The following KIF5C variants were observed in gnomAD, a reference collection of about 807,000 sequenced individuals.
KIF5C encodes kinesin heavy chain isoform 5C.
In KIF5C, 18 loss-of-function variants were observed where a neutral mutation model predicts 125.2. The observed-to-expected ratio is 0.14, with a 90% CI of 0.10 to 0.21. KIF5C has a LOEUF of 0.21. Among genes scored for constraint, KIF5C ranks in the 10% least tolerant of loss-of-function variants. The pLI is 1.00. For missense variants in KIF5C, 780 were observed against 1,183.8 expected, an observed-to-expected ratio of 0.66 and a Z score of 5.01; for synonymous variants, 405 against 434.0, an observed-to-expected ratio of 0.93 and a Z score of 0.83.
chr2:148,959,038 T>C (rs1216217245), intron 10 of KIF5C, among the ~76,000 whole-genome samples: 1 of 152,176 alleles, frequency 6.6e-6, no homozygotes, highest in South Asian at 2.1e-4. Context: ...TCCTATATTT[T>C]CTGTGGAAGC....
At chr2:149,002,464 C>T (rs1681879073) in intron 21 of KIF5C, among the ~76,000 whole-genome samples, 1 of 152,232 alleles carries the variant, frequency 6.6e-6, no homozygotes, top group South Asian at 2.1e-4. Context: ...CTGCATGCTC[C>T]TCCATACACA....
chr2:148,928,096 A>T (rs1001842756), intron 2 of KIF5C, among the ~76,000 whole-genome samples: 14 of 152,174 alleles, frequency 9.2e-5, no homozygotes, highest in Non-Finnish European at 1.9e-4. Context: ...AAATTTTTTT[A>T]AAAAACATAA....
At position 148,875,734 on chromosome 2, in the gene KIF5C, G is replaced by C; in HGVS notation, c.117G>C (p.Val39=). 6.2e-7 allele frequency: 1 copy of C among 1,604,672 alleles called. No individual in the cohort carries two copies. ...CCAAATTTAAAGGCGATGAGACCGTGGTGATCGGGGTAAGTGGCTGGGGCG... is the reference window on the plus strand; with the variant it reads ...CCAAATTTAAAGGCGATGAGACCGTCGTGATCGGGGTAAGTGGCTGGGGCG... ...FIPKFKGDET[V]VIGQGKPYVF... The change falls in exon 1 of 26, where the codon GTG becomes GTC. Residue 39 remains valine, a synonymous_variant. Transcript: ENST00000435030.
At position 149,010,647 on chromosome 2, in the gene KIF5C, G is replaced by A. The variant is rs181827232; in HGVS notation, c.2767+296G>A. On this transcript the variant is annotated intron_variant, in intron 24 of 25. Coordinates refer to ENST00000435030, the MANE Select transcript of KIF5C (RefSeq NM_004522.3). ...AGGCCTAGGTCTTGGGCTATAAATG[G>A]GTACACTCTTAGAAATACTGGAATA... is the stretch of plus-strand genomic sequence containing the variant. 3.4e-3 allele frequency among the ~76,000 whole-genome samples: 523 copies of A among 152,374 alleles called. 2 individuals carry two copies. Among genetic ancestry groups the A allele is most frequent in the Non-Finnish European group, 6.0e-3 (405 of 68,044 alleles).
chr2:148,977,334 C>T (rs1349647480), intron 12 of KIF5C, among the ~76,000 whole-genome samples: 4 of 152,206 alleles, frequency 2.6e-5, no homozygotes, highest in Non-Finnish European at 5.9e-5. Flanking sequence ...AGAGTTCACT[C>T]CATTTCTCTC....
chr2:148,994,328 C>T (rs1681605563), intron 16 of KIF5C, 93 bp from the exon 17 acceptor site: 2 of 1,482,232 alleles, frequency 1.3e-6, no homozygotes, highest in South Asian at 1.4e-5. Context: ...ACTCAGGAAC[C>T]CCTCCTCTCT....
chr2:148,902,898 C>G (rs1408144484), intron 1 of KIF5C, among the ~76,000 whole-genome samples: 2 of 152,270 alleles, frequency 1.3e-5, no homozygotes, highest in African/African-American at 4.8e-5. Context: ...TAATTCTTGG[C>G]CCCTGCTGAG....
chr2:148,997,154 CT>C, intron 17 of KIF5C, 109 bp from the exon 18 acceptor site: 1 of 1,465,340 alleles, frequency 6.8e-7, no homozygotes, highest in East Asian at 2.5e-5. Flanking sequence ...CTGATATAAG[CT>C]GATGTTTCAC....
chr2:149,011,590 C>T lies in KIF5C; in HGVS notation c.2788C>T (p.His930Tyr). ...AQIAKPIRPG[H>Y]YPASSPTAVH... The stretch of plus-strand genomic sequence containing the variant: ...TACAGCCAAGCCCATCCGCCCCGGA[C>T]ACTACCCGGCCTCATCTCCAACGGC... The change falls in exon 25 of 26, where the codon CAC becomes TAC. Residue 930 changes from histidine (H) to tyrosine (Y), a missense_variant. His to Tyr is a moderately conservative substitution (Grantham distance 83). Transcript: ENST00000435030. The T allele has an allele frequency of 2.5e-6, 4 of 1,614,074 alleles. No individual in the cohort carries two copies. The highest frequency in any genetic ancestry group is 2.5e-6 in the Non-Finnish European group (3 of 1,179,906).
chr2:148,962,192 G>A, intron 11 of KIF5C, 73 bp downstream of exon 11: 1 of 1,482,784 alleles, frequency 6.7e-7, no homozygotes, highest in Non-Finnish European at 9.0e-7. Context: ...TTGAGACAGA[G>A]TCTCTCTCTG....
chr2:149,023,334 C>G lies in KIF5C; in HGVS notation c.*264C>G, dbSNP rs974059900. 1 of 152,356 alleles carries G rather than the reference C, an allele frequency of 6.6e-6. No individual in the cohort carries two copies. The highest frequency in any genetic ancestry group is 6.6e-5 in the Admixed American group (1 of 15,242). The allele number at this position is 152,356 out of a possible 1,614,324, so 9.4% of individuals were successfully genotyped here. A position where few individuals can be genotyped will look rare whatever the true frequency, so the allele number is the denominator to read the frequency against. ...GAACCATTACCACCGACTCGGCCTCCGGGGTGTTGGGTGGTTTCTGGGTGG... is the reference window on the plus strand; with the variant it reads ...GAACCATTACCACCGACTCGGCCTCGGGGGTGTTGGGTGGTTTCTGGGTGG... On this transcript the variant is annotated 3_prime_UTR_variant, in exon 26 of 26. Coordinates refer to ENST00000435030, the MANE Select transcript of KIF5C (RefSeq NM_004522.3).
chr2:148,937,471 A>G, intron 4 of KIF5C, 83 bp downstream of exon 4: 2 of 1,475,934 alleles, frequency 1.4e-6, no homozygotes, highest in Non-Finnish European at 1.8e-6. Context: ...AGAAGATATA[A>G]AAGATGATCC....
intron 1 of KIF5C, among the ~76,000 whole-genome samples, chr2:148,914,495 C>T (rs554699544): frequency 1.3e-5 from 2 of 152,326 alleles, no homozygotes; most frequent in Non-Finnish European, 1.5e-5. Context: ...GTCTGTGTGT[C>T]CACACAGTGG....
rs1681154961 is a variant in KIF5C at position 148,978,952 on chromosome 2, G to A, written c.1324G>A (p.Ala442Thr). The A allele has an allele frequency of 1.3e-6, 2 of 1,594,850 alleles. No homozygotes were observed. The highest frequency in any genetic ancestry group is 1.7e-6 in the Non-Finnish European group (2 of 1,170,600). ...TGAAATTAACCAGCAGAGCCAGCTG[G>A]CTGAAAAGCTGAAGCAACAGATGTT... ...DDEINQQSQL[A>T]EKLKQQMLDQ... Residue 442 changes from alanine to threonine, a missense_variant, in exon 13 of 26, where the codon GCT becomes ACT. Ala to Thr is a moderately conservative substitution (Grantham distance 58). Around this residue, in one of 2 missense-constraint regions of KIF5C, gnomAD observed 573 missense variants for 742.6 expected, o/e 0.77. Transcript: ENST00000435030.
chr2:148,936,320 C>A (rs555161733), intron 3 of KIF5C, among the ~76,000 whole-genome samples: 2 of 152,242 alleles, frequency 1.3e-5, no homozygotes, highest in African/African-American at 2.4e-5. Flanking sequence ...TCTGGAAAAT[C>A]TCTGGATGTG....
At chr2:148,906,446 G>A (rs989539003) in intron 1 of KIF5C, among the ~76,000 whole-genome samples, 4 of 152,128 alleles carry the variant, frequency 2.6e-5, no homozygotes, top group African/African-American at 9.7e-5. Context: ...CTAGAAAACT[G>A]AGCAGGAGGA....
At chr2:148,974,478 G>T (rs988153074) in intron 12 of KIF5C, among the ~76,000 whole-genome samples, 1 of 152,078 alleles carries the variant, frequency 6.6e-6, no homozygotes, top group Non-Finnish European at 1.5e-5. Context: ...AGCTAGTTCT[G>T]CTTGTTTGTG....
At chr2:148,967,409 G>A (rs911030817) in intron 11 of KIF5C, among the ~76,000 whole-genome samples, 3 of 152,160 alleles carry the variant, frequency 2.0e-5, no homozygotes, top group African/African-American at 7.2e-5. Flanking sequence ...GGCCACACCT[G>A]GAATTAATGC....
chr2:148,967,354 C>T (rs1366943507), intron 11 of KIF5C, among the ~76,000 whole-genome samples: 3 of 152,204 alleles, frequency 2.0e-5, no homozygotes, highest in Non-Finnish European at 4.4e-5. Context: ...TAGGCTGGGG[C>T]TGCTTCAGGG....
Sources: gnomAD v4.1 joint callset for allele counts (sites outside exome capture counted in the v4.1 genomes callset) on GRCh38, gnomAD v4.1.1 for gene constraint, gnomAD v4.1.1 regional missense constraint, MANE v1.5 for transcripts, NCBI Gene and HGNC (gene_info 2026-07-23, HGNC 2026-07-21) for gene names.